PRMT3: variants seen among roughly 807,000 people sequenced by gnomAD.
PRMT3 encodes the protein protein arginine methyltransferase 3.
A neutral mutation model predicts 71.9 loss-of-function variants in PRMT3; 62 were observed. The ratio of observed to expected loss-of-function variants is 0.86; its 90% CI spans 0.70 to 1.07. The LOEUF is 1.07. PRMT3 is among the 50% of genes least tolerant of loss of function. The probability of loss-of-function intolerance (pLI) is 0.00; values close to 1 mark genes in which losing one functional copy is unlikely to be tolerated. For missense variants in PRMT3, 663 were observed against 643.0 expected (o/e 1.03, Z -0.34); for synonymous variants, 213 against 220.4 (o/e 0.97, Z 0.30).
intron 9 of PRMT3, among the ~76,000 whole-genome samples, chr11:20,419,464 C>T (rs1849378776): frequency 6.6e-6 from 1 of 152,210 alleles, no homozygotes; most frequent in Non-Finnish European, 1.5e-5. Flanking sequence ...TTTTCACCCT[C>T]TTTGTCATAT....
At chr11:20,414,384 G>A (rs1165387878) in intron 9 of PRMT3, among the ~76,000 whole-genome samples, 1 of 152,100 alleles carries the variant, frequency 6.6e-6, no homozygotes, top group African/African-American at 2.4e-5. Flanking sequence ...GATTTTCTGA[G>A]ATGTTATGTT....
intron 13 of PRMT3, among the ~76,000 whole-genome samples, chr11:20,485,019 C>G (rs1015387831): frequency 2.0e-5 from 3 of 152,124 alleles, no homozygotes; most frequent in Admixed American, 2.0e-4. Flanking sequence ...TGATATTGCT[C>G]ACGTGGATAG....
intron 10 of PRMT3, 121 bp downstream of exon 10, chr11:20,426,986 T>C (rs1325125256): frequency 1.2e-5 from 16 of 1,323,674 alleles, no homozygotes; most frequent in Middle Eastern, 2.2e-4. Context: ...ATTTTTTAAG[T>C]AGCTACATTA....
chr11:20,449,321 C>T (rs932384859), intron 10 of PRMT3, among the ~76,000 whole-genome samples: 1 of 152,100 alleles, frequency 6.6e-6, no homozygotes, highest in Non-Finnish European at 1.5e-5. Flanking sequence ...TGATTGCACA[C>T]CTGTTGTAAA....
At chr11:20,426,133 G>T (rs886385404) in intron 9 of PRMT3, among the ~76,000 whole-genome samples, 6 of 152,204 alleles carry the variant, frequency 3.9e-5, no homozygotes, top group Non-Finnish European at 5.9e-5. Context: ...GTTAATTTTT[G>T]ATAGTGATAA....
chr11:20,462,642 A>G (rs938255158), intron 12 of PRMT3, among the ~76,000 whole-genome samples: 1 of 152,144 alleles, frequency 6.6e-6, no homozygotes, highest in Non-Finnish European at 1.5e-5. Context: ...CGAAAGCCCT[A>G]CTATGTTCAG....
At chr11:20,481,527 T>C (rs1207251407) in intron 13 of PRMT3, among the ~76,000 whole-genome samples, 3 of 152,120 alleles carry the variant, frequency 2.0e-5, no homozygotes, top group African/African-American at 7.2e-5. Flanking sequence ...ATTTGTACCA[T>C]TGCTTAAAGA....
Position 20,508,497 on chromosome 11 carries a change from A to AGATG in PRMT3, c.*93_*96dup. On this transcript the variant is annotated 3_prime_UTR_variant, in exon 16 of 16. Transcript: ENST00000331079. ...AGGAGGGAGCTGGTTTTATGTGAGC[A>AGATG]GATGGATGGATGATGGACCCTTTCC... is the stretch of plus-strand genomic sequence containing the variant. 1 of 908,214 alleles carries AGATG rather than the reference A, an allele frequency of 1.1e-6. No homozygotes were observed. Among genetic ancestry groups the AGATG allele is most frequent in the Non-Finnish European group, 1.8e-6 (1 of 541,674 alleles). 56.3% of individuals were successfully genotyped at this position (908,214 alleles called of 1,614,324 possible).
At chr11:20,441,465 C>A (rs1849899190) in intron 10 of PRMT3, among the ~76,000 whole-genome samples, 1 of 151,820 alleles carries the variant, frequency 6.6e-6, no homozygotes, top group Non-Finnish European at 1.5e-5. Context: ...GCCACCATGC[C>A]CAGCTAATTT....
intron 13 of PRMT3, among the ~76,000 whole-genome samples, chr11:20,490,213 CTGAG>C (rs1301463941): frequency 2.0e-5 from 3 of 152,046 alleles, no homozygotes; most frequent in African/African-American, 4.8e-5. Context: ...TGCTGTGGAA[CTGAG>C]TATTACTGTA....
intron 15 of PRMT3, among the ~76,000 whole-genome samples, chr11:20,494,520 G>C (rs1369893086): frequency 6.6e-6 from 1 of 152,094 alleles, no homozygotes; most frequent in Non-Finnish European, 1.5e-5. Context: ...TTTTAGTAGA[G>C]ATGGGGTTTC....
chr11:20,405,939 T>C (rs1849060072), intron 8 of PRMT3: 1 of 152,232 alleles, frequency 6.6e-6, no homozygotes, highest in South Asian at 2.1e-4. Flanking sequence ...AAACTGGAAC[T>C]GTTCTCATTA....
intron 15 of PRMT3, among the ~76,000 whole-genome samples, chr11:20,506,806 C>T (rs1851602149): frequency 6.6e-6 from 1 of 152,086 alleles, no homozygotes; most frequent in Non-Finnish European, 1.5e-5. Flanking sequence ...TGATCAACTA[C>T]AACTTAGCAA....
At chr11:20,472,028 G>A (rs973793148) in intron 13 of PRMT3, among the ~76,000 whole-genome samples, 1 of 152,084 alleles carries the variant, frequency 6.6e-6, no homozygotes, top group Admixed American at 6.6e-5. Context: ...GAATGCTAGT[G>A]ACTTTTTGCT....
chr11:20,397,659 G>A lies in PRMT3; in HGVS notation c.643G>A (p.Asp215Asn). ...TAGTGTCATTGCGGACCTCCAGGAGGATGAGGATGGTGTTTATTTCAGCTC... is the reference window on the plus strand; with the variant it reads ...TAGTGTCATTGCGGACCTCCAGGAGAATGAGGATGGTGTTTATTTCAGCTC... ...STSVIADLQE[D>N]EDGVYFSSYG... The change falls in exon 7 of 16, where the codon GAT (aspartate) becomes AAT (asparagine). Residue 215 changes from aspartate (D) to asparagine (N), a missense_variant. Transcript: ENST00000331079. 3.7e-6 allele frequency: 6 copies of A among 1,614,182 alleles called. No individual in the cohort carries two copies. The highest frequency in any genetic ancestry group is 5.1e-6 in the Non-Finnish European group (6 of 1,180,030).
intron 13 of PRMT3, among the ~76,000 whole-genome samples, chr11:20,487,059 GAAAA>G (rs11355307): frequency 2.1e-5 from 3 of 144,928 alleles, no homozygotes; most frequent in Non-Finnish European, 4.5e-5. Context: ...TCCATCTCAA[GAAAA>G]AAAAAAAAGA....
intron 11 of PRMT3, among the ~76,000 whole-genome samples, chr11:20,460,001 A>G (rs752630401): frequency 2.6e-5 from 4 of 152,178 alleles, no homozygotes; most frequent in Non-Finnish European, 5.9e-5. Flanking sequence ...ATCAGGGAAG[A>G]CTTGAGAAAC....
intron 9 of PRMT3, among the ~76,000 whole-genome samples, chr11:20,408,331 T>A (rs969176586): frequency 6.6e-6 from 1 of 151,930 alleles, no homozygotes; most frequent in East Asian, 1.9e-4. Context: ...CTATTGATAC[T>A]TAGAGTAATA....
At chr11:20,475,170 GTTATTA>G (rs1850749581) in intron 13 of PRMT3, among the ~76,000 whole-genome samples, 1 of 152,190 alleles carries the variant, frequency 6.6e-6, no homozygotes, top group Non-Finnish European at 1.5e-5. Context: ...TTAACAAAGG[GTTATTA>G]GCACAAAGCA....
Sources: gnomAD v4.1 joint callset for allele counts (sites outside exome capture counted in the v4.1 genomes callset) on GRCh38, gnomAD v4.1.1 for gene constraint, MANE v1.5 for transcripts, NCBI Gene and HGNC (gene_info 2026-07-23, HGNC 2026-07-21) for gene names.